PDE1A: variants seen among roughly 807,000 people sequenced by gnomAD.
The protein encoded by PDE1A is phosphodiesterase 1A, also known as dual specificity calcium/calmodulin-dependent 3',5'-cyclic nucleotide phosphodiesterase 1A.
In PDE1A, 35 loss-of-function variants were observed where a neutral mutation model predicts 61.7. That is an observed-to-expected ratio of 0.57 (90% CI 0.43 to 0.75). The LOEUF (loss-of-function observed/expected upper bound fraction) is 0.75, where lower values mean the gene tolerates loss of function less well. Ranked by LOEUF, PDE1A falls within the 30% of genes least tolerant of loss-of-function variation. PDE1A has a pLI of 0.00. For missense variants in PDE1A, 597 were observed against 630.6 expected (o/e 0.95, Z 0.57); for synonymous variants, 232 against 213.2 (o/e 1.09, Z -0.77).
intron 1 of PDE1A, among the ~76,000 whole-genome samples, chr2:182,424,183 G>A (rs372800609): frequency 2.6e-5 from 4 of 152,190 alleles, no homozygotes; most frequent in East Asian, 3.9e-4. Flanking sequence ...GAACTCAGGC[G>A]ATCCACTCAC....
chr2:182,295,122 C>A lies in PDE1A; in HGVS notation c.54-30708G>T, dbSNP rs557161298. 2.6e-4 allele frequency among the ~76,000 whole-genome samples: 31 copies of A among 117,880 alleles called. 2 individuals are homozygous for A. In the South Asian group the frequency reaches 7.8e-3, roughly 30 times the overall value. The allele number at this position is 117,880 out of a possible 152,430, so 77.3% of individuals were successfully genotyped here. On this transcript the variant is annotated intron_variant, in intron 1 of 13. Transcript: ENST00000351439. The stretch of plus-strand genomic sequence containing the variant: ...TCGCTCTGTCGCCCAGGCCAGACTG[C>A]GGACTGCAGTGGCGCAATCTCGGCT...
downstream of PDE1A, among the ~76,000 whole-genome samples, chr2:182,144,219 T>C (rs1186942872): frequency 2.0e-5 from 3 of 152,176 alleles, no homozygotes; most frequent in African/African-American, 7.2e-5. Flanking sequence ...AACACTTTCC[T>C]CCCAGTGGGT....
chr2:182,496,281 G>A (rs1355637700), intron 2 of PDE1A, among the ~76,000 whole-genome samples: 6 of 124,438 alleles, frequency 4.8e-5, no homozygotes, highest in Non-Finnish European at 1.1e-4. Context: ...ACCAAAGACT[G>A]CTAGGAAAAA....
chr2:182,465,754 CA>C (rs1324297310), intron 2 of PDE1A, among the ~76,000 whole-genome samples: 5 of 152,070 alleles, frequency 3.3e-5, no homozygotes, highest in East Asian at 1.9e-4. Flanking sequence ...TAATATCCCC[CA>C]AATCACGATT....
intron 7 of PDE1A, among the ~76,000 whole-genome samples, chr2:182,207,253 A>G (rs1192003039): frequency 6.6e-6 from 1 of 152,162 alleles, no homozygotes; most frequent in Non-Finnish European, 1.5e-5. Flanking sequence ...TAGGTTGAGG[A>G]CGTCTTAGGT....
intron 2 of PDE1A, among the ~76,000 whole-genome samples, chr2:182,507,261 T>C (rs1001702120): frequency 2.6e-5 from 4 of 152,090 alleles, no homozygotes; most frequent in Admixed American, 2.6e-4. Context: ...TAAGAGATCA[T>C]TGTGGGTGCA....
intron 1 of PDE1A, among the ~76,000 whole-genome samples, chr2:182,356,703 C>T (rs1325543375): frequency 6.6e-6 from 1 of 152,068 alleles, no homozygotes; most frequent in African/African-American, 2.4e-5. Flanking sequence ...CACTGCACTC[C>T]AGCCTGAACG....
the PDE1A span, among the ~76,000 whole-genome samples, chr2:182,655,448 T>C: frequency 6.6e-6 from 1 of 152,194 alleles, no homozygotes; most frequent in Non-Finnish European, 1.5e-5. Context: ...ACCAAGCCCC[T>C]GGCTAATGGC....
At chr2:182,626,872 C>T in the PDE1A span, among the ~76,000 whole-genome samples, 7 of 22,022 alleles carry the variant, frequency 3.2e-4, no homozygotes, top group Non-Finnish European at 4.2e-4. Context: ...TATATATATA[C>T]ATATATATAT....
the PDE1A span, among the ~76,000 whole-genome samples, chr2:182,582,051 G>C: frequency 6.6e-6 from 1 of 152,138 alleles, no homozygotes; most frequent in Non-Finnish European, 1.5e-5. Flanking sequence ...ATTTTAAAAT[G>C]TTTAGCTTAA....
At chr2:182,304,151 G>A (rs1218771444) in intron 1 of PDE1A, among the ~76,000 whole-genome samples, 1 of 152,032 alleles carries the variant, frequency 6.6e-6, no homozygotes, top group Non-Finnish European at 1.5e-5. Flanking sequence ...CCAAAGTGCT[G>A]GATTATAGGC....
the PDE1A span, among the ~76,000 whole-genome samples, chr2:182,632,892 A>C: frequency 6.6e-6 from 1 of 152,242 alleles, no homozygotes; most frequent in African/African-American, 2.4e-5. Context: ...TAATTTACTC[A>C]ATAAAAAGCA....
chr2:182,527,303 T>TAAAA (rs869281717), upstream of PDE1A, among the ~76,000 whole-genome samples: 3 of 22,836 alleles, frequency 1.3e-4, no homozygotes, highest in African/African-American at 2.0e-4. Flanking sequence ...CCTTTCTCTA[T>TAAAA]AAAAAAAAAA....
intron 10 of PDE1A, among the ~76,000 whole-genome samples, chr2:182,197,922 C>G (rs560029957): frequency 6.6e-6 from 1 of 151,942 alleles, no homozygotes; most frequent in African/African-American, 2.4e-5. Flanking sequence ...TTAGAATCAG[C>G]CTTTCAACTT....
intron 1 of PDE1A, among the ~76,000 whole-genome samples, chr2:182,381,445 T>C (rs1700730389): frequency 6.6e-6 from 1 of 152,228 alleles, no homozygotes; most frequent in Admixed American, 6.5e-5. Context: ...GGTGGCGAAT[T>C]GCCCTTTTAA....
At chr2:182,619,397 C>A in the PDE1A span, among the ~76,000 whole-genome samples, 1 of 152,022 alleles carries the variant, frequency 6.6e-6, no homozygotes, top group African/African-American at 2.4e-5. Context: ...CATTGTGTGA[C>A]CCATACAAGC....
the PDE1A span, among the ~76,000 whole-genome samples, chr2:182,676,237 C>T: frequency 6.6e-6 from 1 of 151,970 alleles, no homozygotes; most frequent in Non-Finnish European, 1.5e-5. Flanking sequence ...GGGACATTAC[C>T]ACTGACCTCA....
intron 2 of PDE1A, among the ~76,000 whole-genome samples, chr2:182,445,735 C>T (rs115792818): frequency 6.6e-6 from 1 of 152,142 alleles, no homozygotes; most frequent in Non-Finnish European, 1.5e-5. Context: ...CAGTTTCATC[C>T]CTGCCAAATA....
chr2:182,531,411 A>G, the PDE1A span, among the ~76,000 whole-genome samples: 1 of 151,696 alleles, frequency 6.6e-6, no homozygotes, highest in South Asian at 2.1e-4. Flanking sequence ...ATACTAACCA[A>G]ATGAACACTG....
Sources: allele counts gnomAD v4.1 joint callset (sites outside exome capture counted in the v4.1 genomes callset), GRCh38; gene constraint gnomAD v4.1.1; transcripts MANE v1.5; gene names NCBI Gene and HGNC (gene_info 2026-07-23, HGNC 2026-07-21).